Variants in SEC24B observed in about 807,000 individuals in gnomAD.
The protein encoded by SEC24B is SEC24 homolog B, COPII component.
Under a neutral mutation model 142.8 loss-of-function variants are expected in SEC24B, and 45 were observed. That is an observed-to-expected ratio of 0.32 (90% CI 0.25 to 0.40). The LOEUF is 0.40. Ranked by LOEUF, SEC24B falls within the 10% of genes least tolerant of loss-of-function variation. The pLI is 1.00. For missense variants in SEC24B, 1,409 were observed against 1,526.8 expected, an observed-to-expected ratio of 0.92 and a Z score of 1.29; for synonymous variants, 574 against 568.2, an observed-to-expected ratio of 1.01 and a Z score of -0.15.
intron 2 of SEC24B, among the ~76,000 whole-genome samples, chr4:109,470,914 A>G (rs1290077373): frequency 6.6e-6 from 1 of 152,216 alleles, no homozygotes; most frequent in Non-Finnish European, 1.5e-5. Context: ...ATGTGTGGTA[A>G]ACTATTTGAA....
chr4:109,505,586 T>C (rs1736595949), intron 6 of SEC24B, among the ~76,000 whole-genome samples: 1 of 152,202 alleles, frequency 6.6e-6, no homozygotes, highest in South Asian at 2.1e-4. Flanking sequence ...TCTTTACCTG[T>C]TGCCAAGTAT....
At position 109,538,933 on chromosome 4, in the gene SEC24B, T is replaced by TC. The variant is rs566681197; in HGVS notation, c.3692+340dup. ...CCGAGTAGCTGGGACTGCAGGCACT[T>TC]CCCTCCACACCTGGCTAATTTTTAA... On this transcript the variant is annotated intron_variant, in intron 23 of 23. Coordinates refer to ENST00000265175, the MANE Select transcript of SEC24B (RefSeq NM_006323.5). Among the ~76,000 whole-genome samples, 313 of 151,788 alleles carry TC rather than the reference T, an allele frequency of 2.1e-3. 2 individuals are homozygous for TC. The South Asian group carries it at 0.029, about 14-fold the overall frequency.
intron 1 of SEC24B, among the ~76,000 whole-genome samples, chr4:109,452,824 CTG>C (rs1730245221): frequency 6.6e-6 from 1 of 152,134 alleles, no homozygotes; most frequent in African/African-American, 2.4e-5. Flanking sequence ...CATTTTCTTT[CTG>C]TGTTATTCTT....
chr4:109,473,219 C>T, intron 3 of SEC24B, 33 bp downstream of exon 3: 1 of 1,364,086 alleles, frequency 7.3e-7, no homozygotes. Flanking sequence ...TATATGCACA[C>T]AGACACACAT....
At chr4:109,498,391 T>A (rs1209724681) in intron 6 of SEC24B, among the ~76,000 whole-genome samples, 1 of 152,198 alleles carries the variant, frequency 6.6e-6, no homozygotes, top group Non-Finnish European at 1.5e-5. Flanking sequence ...GGAGTCTTGC[T>A]CTGTCGCCCA....
chr4:109,468,235 G>A (rs542621444), intron 2 of SEC24B, among the ~76,000 whole-genome samples: 3 of 152,306 alleles, frequency 2.0e-5, no homozygotes, highest in South Asian at 4.1e-4. Context: ...TGGGAATAGC[G>A]TAATTTTACT....
chr4:109,506,263 G>A (rs1736674765), intron 6 of SEC24B, 65 bp from the exon 7 acceptor site: 1 of 1,192,452 alleles, frequency 8.4e-7, no homozygotes. Context: ...GAGATATGTA[G>A]TATATATAAG....
chr4:109,531,503 T>G lies in SEC24B; in HGVS notation c.3371T>G (p.Ile1124Arg). The part of the protein sequence containing the change: ...MKMIHPNLYR[I>R]DRLTDEGAVH... The stretch of plus-strand genomic sequence containing the variant: ...ATGATTCATCCCAACTTATACAGGA[T>G]AGACAGATTGACAGATGAGGTATGT... The change falls in exon 20 of 24, where the codon ATA becomes AGA. Residue 1124 changes from isoleucine (I) to arginine (R), a missense_variant. Transcript: ENST00000265175. The G allele has an allele frequency of 6.2e-7, 1 of 1,609,266 alleles. No homozygotes were observed. The highest frequency in any genetic ancestry group is 8.5e-7 in the Non-Finnish European group (1 of 1,175,978).
rs954369614 is a variant in SEC24B at position 109,513,918 on chromosome 4, T to C, written c.2013+62T>C. ...ATTACATTGGTCATTTGTAATTTTC[T>C]GTTAAGTGAACTCTTATCGAGATTT... is the stretch of plus-strand genomic sequence containing the variant. On this transcript the variant is annotated intron_variant, in intron 10 of 23. Coordinates refer to ENST00000265175, the MANE Select transcript of SEC24B (RefSeq NM_006323.5). 6.5e-6 allele frequency: 7 copies of C among 1,078,546 alleles called. No homozygotes were observed. In the African/African-American group the frequency reaches 9.4e-5, roughly 15 times the overall value. 66.8% of individuals were successfully genotyped at this position (1,078,546 alleles called of 1,614,324 possible).
chr4:109,517,971 A>G (rs762730328), intron 11 of SEC24B, among the ~76,000 whole-genome samples: 7 of 150,496 alleles, frequency 4.7e-5, no homozygotes, highest in Non-Finnish European at 8.8e-5. Flanking sequence ...TTATTTATTT[A>G]TTTATTTATT....
chr4:109,453,069 C>T (rs182193229), intron 1 of SEC24B, among the ~76,000 whole-genome samples: 71 of 152,126 alleles, frequency 4.7e-4, no homozygotes, highest in African/African-American at 1.7e-3. Context: ...TCTGTGATGC[C>T]CCCTGAACCC....
intron 1 of SEC24B, among the ~76,000 whole-genome samples, chr4:109,455,376 G>T (rs1427320541): frequency 2.0e-5 from 3 of 151,784 alleles, no homozygotes; most frequent in African/African-American, 4.8e-5. Flanking sequence ...CAGCCCTCCC[G>T]AGTAGCTGAG....
intron 1 of SEC24B, among the ~76,000 whole-genome samples, chr4:109,461,408 C>T (rs1731243293): frequency 6.6e-6 from 1 of 152,016 alleles, no homozygotes; most frequent in Non-Finnish European, 1.5e-5. Flanking sequence ...AAAAGTTGAC[C>T]TCATAAATAT....
chr4:109,472,977 G>A (rs761854225), intron 2 of SEC24B, 27 bp from the exon 3 acceptor site: 2 of 1,390,420 alleles, frequency 1.4e-6, no homozygotes, highest in South Asian at 3.4e-5. Flanking sequence ...TCAAGTTTCT[G>A]TGGATGAAAT....
chr4:109,474,451 G>T (rs1486296914), intron 3 of SEC24B, among the ~76,000 whole-genome samples: 4 of 148,304 alleles, frequency 2.7e-5, no homozygotes, highest in African/African-American at 1.0e-4. Context: ...GGAGTTGGGA[G>T]TCTTGCTCTG....
At chr4:109,539,254 G>A (rs887316669) in intron 23 of SEC24B, among the ~76,000 whole-genome samples, 20 of 151,556 alleles carry the variant, frequency 1.3e-4, no homozygotes, top group East Asian at 5.8e-4. Flanking sequence ...GAGCCACCAC[G>A]CCCGGCCAAT....
At chr4:109,525,008 T>C in intron 15 of SEC24B, 67 bp downstream of exon 15, 1 of 1,393,824 alleles carries the variant, frequency 7.2e-7, no homozygotes, top group South Asian at 1.4e-5. Flanking sequence ...AAATCTAAAC[T>C]CTTCAGTAAG....
At chr4:109,453,027 G>A (rs1730270828) in intron 1 of SEC24B, among the ~76,000 whole-genome samples, 1 of 152,112 alleles carries the variant, frequency 6.6e-6, no homozygotes, top group African/African-American at 2.4e-5. Context: ...TTAAAGCTGG[G>A]TATCTGGGGG....
intron 7 of SEC24B, 113 bp from the exon 8 acceptor site, chr4:109,509,896 A>G: frequency 1.7e-6 from 1 of 585,886 alleles, no homozygotes; most frequent in Non-Finnish European, 2.9e-6. Flanking sequence ...AGTTACAGTA[A>G]CATGCCCAAA....
Sources: gnomAD v4.1 joint callset for allele counts (sites outside exome capture counted in the v4.1 genomes callset) on GRCh38, gnomAD v4.1.1 for gene constraint, MANE v1.5 for transcripts, NCBI Gene and HGNC (gene_info 2026-07-23, HGNC 2026-07-21) for gene names.